The following GPHN variants were observed in gnomAD, a reference collection of about 807,000 sequenced individuals.
GPHN encodes gephyrin.
In GPHN, 17 loss-of-function variants were observed where a neutral mutation model predicts 95.5. The ratio of observed to expected loss-of-function variants is 0.18; its 90% CI spans 0.12 to 0.27. GPHN has a LOEUF of 0.27. GPHN is among the 10% of genes least tolerant of loss of function. The probability of loss-of-function intolerance (pLI) is 1.00; values close to 1 mark genes in which losing one functional copy is unlikely to be tolerated. For synonymous variants in GPHN, 320 were observed against 322.5 expected (o/e 0.99, Z 0.08); for missense variants, 660 against 978.1 (o/e 0.67, Z 4.34).
chr14:67,323,832 G>T, the GPHN span: 259 of 1,271,444 alleles, frequency 2.0e-4, no homozygotes, highest in Non-Finnish European at 2.7e-4. Flanking sequence ...TCACACTATT[G>T]TACTATTCCA....
the GPHN span, among the ~76,000 whole-genome samples, chr14:67,502,747 G>A: frequency 4.0e-5 from 6 of 151,796 alleles, no homozygotes; most frequent in African/African-American, 1.2e-4. Context: ...CCACCGCGCC[G>A]GGCCCCAGAA....
chr14:67,333,492 G>T, the GPHN span: 2 of 152,566 alleles, frequency 1.3e-5, no homozygotes, highest in Non-Finnish European at 2.9e-5. Flanking sequence ...ACAAAATGGT[G>T]CCACTTTGGG....
the GPHN span, among the ~76,000 whole-genome samples, chr14:67,406,912 G>A: frequency 6.6e-6 from 1 of 152,158 alleles, no homozygotes; most frequent in Non-Finnish European, 1.5e-5. Flanking sequence ...CCTGGGCAGA[G>A]AGTAGCTTCT....
chr14:66,606,087 C>T (rs1242371814), intron 1 of GPHN, among the ~76,000 whole-genome samples: 1 of 152,030 alleles, frequency 6.6e-6, no homozygotes, highest in African/African-American at 2.4e-5. Flanking sequence ...TCAAGAAGTG[C>T]ATTTCCTAGG....
the GPHN span, among the ~76,000 whole-genome samples, chr14:67,555,629 C>T: frequency 2.2e-4 from 34 of 152,338 alleles, no homozygotes; most frequent in East Asian, 6.6e-3. Flanking sequence ...GGCTCTTCAC[C>T]TGCCCCATGA....
At chr14:67,273,317 C>T in the GPHN span, among the ~76,000 whole-genome samples, 3,014 of 151,864 alleles carry the variant, frequency 0.02, 98 homozygotes, top group African/African-American at 0.069. Context: ...GTTCCCCACC[C>T]TGTGTCCAAG....
chr14:67,328,697 G>C, the GPHN span, among the ~76,000 whole-genome samples: 19 of 152,250 alleles, frequency 1.2e-4, no homozygotes, highest in South Asian at 1.0e-3. Flanking sequence ...TCTACATATG[G>C]CTAGCCAGTT....
At chr14:67,473,524 A>C in the GPHN span, 29 of 1,614,002 alleles carry the variant, frequency 1.8e-5, no homozygotes, top group Middle Eastern at 1.6e-4. The surrounding 1 kb of genome is among the most constrained non-coding windows in gnomAD (Gnocchi z 6.5). Context: ...CGGATGATGA[A>C]CTGCTCCATG....
the GPHN span, chr14:67,208,377 A>T: frequency 4.3e-6 from 7 of 1,613,900 alleles, no homozygotes; most frequent in Non-Finnish European, 5.9e-6. Context: ...ACATCCAAGG[A>T]GATGAAGGAT....
chr14:67,434,970 C>T, the GPHN span, among the ~76,000 whole-genome samples: 19,038 of 137,958 alleles, frequency 0.14, 2,295 homozygotes, highest in African/African-American at 0.31. Flanking sequence ...TTCTCTCTCT[C>T]TTTTTTTTTT....
At chr14:67,693,780 C>T in the GPHN span, among the ~76,000 whole-genome samples, 1 of 151,658 alleles carries the variant, frequency 6.6e-6, no homozygotes, top group Non-Finnish European at 1.5e-5. Context: ...GATTCTCATC[C>T]CTCACCCCCT....
the GPHN span, chr14:67,352,848 AAC>A: frequency 1.4e-5 from 12 of 838,872 alleles, no homozygotes; most frequent in African/African-American, 1.5e-4. Context: ...AAATAACAAC[AAC>A]AAAAAAAAAA....
chr14:67,584,059 A>G, the GPHN span: 12 of 1,614,000 alleles, frequency 7.4e-6, no homozygotes, highest in Non-Finnish European at 1.0e-5. Flanking sequence ...TCCTGAGTGC[A>G]TCCGCATCTA....
chr14:67,459,827 G>T, the GPHN span, among the ~76,000 whole-genome samples: 36 of 152,344 alleles, frequency 2.4e-4, no homozygotes, highest in Middle Eastern at 6.8e-3. Flanking sequence ...CCAGCTGGGG[G>T]CTCAAGGGAC....
the GPHN span, among the ~76,000 whole-genome samples, chr14:67,654,526 C>G: frequency 2.0e-5 from 3 of 152,114 alleles, no homozygotes; most frequent in Non-Finnish European, 4.4e-5. Flanking sequence ...CCATAGCTTG[C>G]CTTGAATGTA....
At chr14:67,436,927 C>T in the GPHN span, among the ~76,000 whole-genome samples, 16 of 152,118 alleles carry the variant, frequency 1.1e-4, no homozygotes, top group Non-Finnish European at 1.5e-5. Flanking sequence ...CTTGGTGGCA[C>T]ACACCTGTAG....
At chr14:66,778,080 G>A (rs1280022279) in intron 3 of GPHN, among the ~76,000 whole-genome samples, 5 of 152,060 alleles carry the variant, frequency 3.3e-5, no homozygotes, top group Non-Finnish European at 7.4e-5. Context: ...AAACCCCATC[G>A]TCTCAGCCCA....
At chr14:67,213,059 T>A in the GPHN span, among the ~76,000 whole-genome samples, 5 of 150,972 alleles carry the variant, frequency 3.3e-5, no homozygotes, top group African/African-American at 4.9e-5. Flanking sequence ...TCTTACTGAA[T>A]CATAAGCTTG....
At chr14:67,307,852 T>C in the GPHN span, among the ~76,000 whole-genome samples, 1 of 152,058 alleles carries the variant, frequency 6.6e-6, no homozygotes, top group Non-Finnish European at 1.5e-5. Context: ...CGATGATAGA[T>C]TCGATAAAGA....
Sources: allele counts gnomAD v4.1 joint callset (sites outside exome capture counted in the v4.1 genomes callset), GRCh38; gene constraint gnomAD v4.1.1; non-coding constraint Gnocchi (gnomAD v3.1); transcripts MANE v1.5; gene names NCBI Gene and HGNC (gene_info 2026-07-23, HGNC 2026-07-21).